Variants in FOXP1 observed in about 807,000 individuals in gnomAD.
The protein encoded by FOXP1 is forkhead box protein P1.
In FOXP1, 15 loss-of-function variants were observed where a neutral mutation model predicts 98.2. The observed-to-expected ratio is 0.15, with a 90% CI of 0.10 to 0.24. The LOEUF (loss-of-function observed/expected upper bound fraction) is 0.24. FOXP1 is among the 10% of genes least tolerant of loss of function. The probability of loss-of-function intolerance (pLI) is 1.00; values close to 1 mark genes in which losing one functional copy is unlikely to be tolerated. For synonymous variants in FOXP1, 371 were observed against 314.5 expected (o/e 1.18, Z -1.90); for missense variants, 633 against 848.5 (o/e 0.75, Z 3.15).
intron 3 of FOXP1, among the ~76,000 whole-genome samples, chr3:71,376,617 T>C (rs2079733090): frequency 6.6e-6 from 1 of 152,224 alleles, no homozygotes; most frequent in South Asian, 2.1e-4. Flanking sequence ...CAATTAAGCC[T>C]AGAATTTGCT....
intron 14 of FOXP1, among the ~76,000 whole-genome samples, chr3:70,982,031 C>T (rs1342003412): frequency 6.6e-6 from 1 of 152,184 alleles, no homozygotes; most frequent in Non-Finnish European, 1.5e-5. Context: ...TTGATGATCA[C>T]ATGCTTGTCT....
chr3:71,206,261 C>T (rs1385544676), intron 5 of FOXP1, among the ~76,000 whole-genome samples: 1 of 152,212 alleles, frequency 6.6e-6, no homozygotes, highest in Non-Finnish European at 1.5e-5. Context: ...TAAAAATACT[C>T]TATTTCCTGT....
chr3:71,489,353 C>A (rs1191249788), intron 3 of FOXP1, among the ~76,000 whole-genome samples: 1 of 152,106 alleles, frequency 6.6e-6, no homozygotes, highest in Non-Finnish European at 1.5e-5. Context: ...ATGAATGTTG[C>A]GTGACGCTTA....
At chr3:71,249,481 T>C (rs1420119488) in intron 5 of FOXP1, among the ~76,000 whole-genome samples, 1 of 152,236 alleles carries the variant, frequency 6.6e-6, no homozygotes, top group Non-Finnish European at 1.5e-5. Flanking sequence ...TATTTCCATT[T>C]TGAAAATGAG....
intron 7 of FOXP1, among the ~76,000 whole-genome samples, chr3:71,061,419 T>C (rs988137917): frequency 2.7e-4 from 41 of 152,146 alleles, no homozygotes; most frequent in African/African-American, 8.9e-4. Flanking sequence ...CTCAACTTTT[T>C]TATGTAGGCA....
chr3:71,582,881 A>T (rs2048300234), intron 1 of FOXP1: 1 of 891,872 alleles, frequency 1.1e-6, no homozygotes, highest in Admixed American at 6.2e-5. Context: ...GCAGCGGGGA[A>T]GTTCCCCAGT....
chr3:71,058,125 T>G (rs555302017), intron 7 of FOXP1, among the ~76,000 whole-genome samples: 84 of 152,268 alleles, frequency 5.5e-4, no homozygotes, highest in South Asian at 3.1e-3. Flanking sequence ...GAAACAATAC[T>G]TATTTCTAAT....
At position 71,413,615 on chromosome 3, in the gene FOXP1, T is replaced by C. The variant is rs77240093; in HGVS notation, c.-167-54371A>G. Among the ~76,000 whole-genome samples the C allele has an allele frequency of 6.7e-3, 1,017 of 152,336 alleles. 7 individuals are homozygous for C. Among genetic ancestry groups the C allele is most frequent in the South Asian group, 0.011 (51 of 4,826 alleles). On this transcript the variant is annotated intron_variant, in intron 3 of 20. Transcript: ENST00000649528. ...GCCTCTTAGATGTTGCCAATTAACA[T>C]TTTACTTTACTTGCTTTAGCCTATC...
chr3:71,171,872 G>A (rs193252814), intron 6 of FOXP1, among the ~76,000 whole-genome samples: 4 of 152,282 alleles, frequency 2.6e-5, no homozygotes, highest in Admixed American at 6.5e-5. Context: ...TGATGGGACC[G>A]GCTCTTCATT....
At position 71,037,605 on chromosome 3, in the gene FOXP1, C is replaced by T. The variant is rs796682694; in HGVS notation, c.869+3723G>A. The stretch of plus-strand genomic sequence containing the variant: ...TAGCTGCGCCATTGAACTTGATCCC[C>T]ACCACACTTTTCTCAGGCACTGACA... On this transcript the variant is annotated intron_variant, in intron 11 of 20. Coordinates refer to ENST00000649528, the MANE Select transcript of FOXP1 (RefSeq NM_001349338.3). Among the ~76,000 whole-genome samples the T allele has an allele frequency of 2.6e-5, 4 of 152,316 alleles. No homozygotes were observed. In the South Asian group the frequency reaches 8.3e-4, roughly 32 times the overall value.
chr3:71,165,879 T>G (rs1245034864), intron 6 of FOXP1, among the ~76,000 whole-genome samples: 1 of 152,158 alleles, frequency 6.6e-6, no homozygotes, highest in African/African-American at 2.4e-5. Flanking sequence ...AGAAGCAACG[T>G]GATCATCAAG....
chr3:71,570,152 A>T (rs2047223825), intron 2 of FOXP1: 1 of 152,134 alleles, frequency 6.6e-6, no homozygotes, highest in Non-Finnish European at 1.5e-5. Flanking sequence ...CACTCCCAGT[A>T]ATACTGGGAC....
At chr3:71,499,373 T>G (rs2041159682) in intron 2 of FOXP1, among the ~76,000 whole-genome samples, 1 of 152,190 alleles carries the variant, frequency 6.6e-6, no homozygotes, top group Non-Finnish European at 1.5e-5. Flanking sequence ...CTCCCTTGGT[T>G]TGAGAATGCT....
chr3:70,960,697 A>C (rs1477034762), intron 20 of FOXP1, among the ~76,000 whole-genome samples: 1 of 152,096 alleles, frequency 6.6e-6, no homozygotes, highest in East Asian at 1.9e-4. Context: ...TGCAAACCCC[A>C]AAGGCCCCTT....
chr3:70,964,662 T>C (rs531111400), intron 20 of FOXP1, among the ~76,000 whole-genome samples: 5 of 152,320 alleles, frequency 3.3e-5, no homozygotes, highest in South Asian at 2.1e-4. Flanking sequence ...GGATGAAATA[T>C]AGCAGCATCA....
chr3:70,962,550 T>A (rs2033793409), intron 20 of FOXP1, among the ~76,000 whole-genome samples: 1 of 152,228 alleles, frequency 6.6e-6, no homozygotes, highest in Admixed American at 6.5e-5. Flanking sequence ...GTTTCTCAGA[T>A]TACTGACAAT....
intron 6 of FOXP1, among the ~76,000 whole-genome samples, chr3:71,154,873 T>C (rs535269561): frequency 6.6e-6 from 1 of 152,090 alleles, no homozygotes; most frequent in Non-Finnish European, 1.5e-5. Flanking sequence ...AAAGGGTGGG[T>C]TGTTTGTTTT....
chr3:71,046,948 C>G lies in FOXP1; in HGVS notation c.658G>C (p.Ala220Pro). ...CTGTAAAATCAACGCATACCTTGAGCAAGAGGTTGAAGGGGAAGGGCAGGC... is the reference window on the plus strand; with the variant it reads ...CTGTAAAATCAACGCATACCTTGAGGAAGAGGTTGAAGGGGAAGGGCAGGC... ...GQPALPLQPL[A>P]QGMIPTELQQ... Residue 220 changes from alanine to proline, a missense_variant, in exon 10 of 21, where the codon GCT becomes CCT. Coordinates refer to ENST00000649528, the MANE Select transcript of FOXP1 (RefSeq NM_001349338.3). 6.2e-7 allele frequency: 1 copy of G among 1,613,990 alleles called. No homozygotes were observed. The highest frequency in any genetic ancestry group is 8.5e-7 in the Non-Finnish European group (1 of 1,179,920).
chr3:70,985,010 ACCC>A (rs2039493576), intron 14 of FOXP1, among the ~76,000 whole-genome samples: 1 of 152,190 alleles, frequency 6.6e-6, no homozygotes, highest in Non-Finnish European at 1.5e-5. Context: ...GACACTTAAC[ACCC>A]AAATGGCATT....
Sources: gnomAD v4.1 joint callset for allele counts (sites outside exome capture counted in the v4.1 genomes callset) on GRCh38, gnomAD v4.1.1 for gene constraint, MANE v1.5 for transcripts, NCBI Gene and HGNC (gene_info 2026-07-23, HGNC 2026-07-21) for gene names.